The following BMPR1B variants were observed in gnomAD, a reference collection of about 807,000 sequenced individuals.
The protein encoded by BMPR1B is bone morphogenetic protein receptor type 1B, also known as bone morphogenetic protein receptor type-1B.
BMPR1B carries 12 observed loss-of-function variants against 59.1 expected under a neutral mutation model. That is an observed-to-expected ratio of 0.20 (90% confidence interval 0.13 to 0.33). The LOEUF is 0.33. Ranked by LOEUF, BMPR1B falls within the 10% of genes least tolerant of loss-of-function variation. BMPR1B has a pLI of 1.00. For synonymous variants in BMPR1B, 237 were observed against 207.3 expected (o/e 1.14, Z -1.23); for missense variants, 550 against 610.9 (o/e 0.90, Z 1.05).
intron 2 of BMPR1B, among the ~76,000 whole-genome samples, chr4:94,917,251 C>T (rs1365996795): frequency 1.3e-5 from 2 of 152,228 alleles, no homozygotes; most frequent in Non-Finnish European, 2.9e-5. Context: ...CAGTGGGGCA[C>T]TGTCTAGTGA....
Position 95,126,548 on chromosome 4 carries a change from A to C in BMPR1B, c.585+1427A>C, listed in dbSNP as rs75356717. Reference sequence around the variant, plus strand: ...TCAGTATAACCCTGTATTACACATCAGGGGATACAGGCCCAGATAGGTCAG... The same window carrying C: ...TCAGTATAACCCTGTATTACACATCCGGGGATACAGGCCCAGATAGGTCAG... On this transcript the variant is annotated intron_variant, in intron 8 of 12. Transcript: ENST00000515059. Among the ~76,000 whole-genome samples the C allele has an allele frequency of 6.1e-3, 924 of 152,282 alleles. 28 individuals are homozygous for C. In the East Asian group the frequency reaches 0.067, roughly 11 times the overall value.
At chr4:94,821,264 T>TGAAAACATGTATTTGG (rs1239708272) in intron 1 of BMPR1B, among the ~76,000 whole-genome samples, 3 of 152,196 alleles carry the variant, frequency 2.0e-5, no homozygotes, top group Non-Finnish European at 4.4e-5. Flanking sequence ...GCCTACTAAT[T>TGAAAACATGTATTTGG]GAAAACATGT....
intron 3 of BMPR1B, among the ~76,000 whole-genome samples, chr4:95,085,315 A>T (rs1302578289): frequency 1.3e-5 from 2 of 152,124 alleles, no homozygotes; most frequent in Non-Finnish European, 2.9e-5. Context: ...GCAAGCAAGG[A>T]TGAAAGACAG....
chr4:95,142,954 C>T (rs1275610508), intron 10 of BMPR1B, among the ~76,000 whole-genome samples: 1 of 152,088 alleles, frequency 6.6e-6, no homozygotes, highest in Non-Finnish European at 1.5e-5. Context: ...CTCCCCCTTA[C>T]TCCTTGCCAC....
At chr4:94,922,813 A>G (rs1014836564) in intron 2 of BMPR1B, among the ~76,000 whole-genome samples, 4 of 152,138 alleles carry the variant, frequency 2.6e-5, no homozygotes, top group Non-Finnish European at 4.4e-5. Context: ...TATTTAGATA[A>G]ATGTTAAAAT....
chr4:95,048,827 A>C (rs778560124), intron 3 of BMPR1B, among the ~76,000 whole-genome samples: 1 of 152,202 alleles, frequency 6.6e-6, no homozygotes, highest in Non-Finnish European at 1.5e-5. Flanking sequence ...TTTGATCTAC[A>C]TAGTAAGTTT....
At chr4:95,118,099 G>A (rs1732203768) in intron 6 of BMPR1B, among the ~76,000 whole-genome samples, 1 of 152,154 alleles carries the variant, frequency 6.6e-6, no homozygotes, top group African/African-American at 2.4e-5. Flanking sequence ...GAGCTCTGAG[G>A]ATCTCAGGTG....
At chr4:94,886,673 CA>C (rs2148985300) in intron 2 of BMPR1B, among the ~76,000 whole-genome samples, 1 of 152,246 alleles carries the variant, frequency 6.6e-6, no homozygotes, top group South Asian at 2.1e-4. Flanking sequence ...AATTTCTATT[CA>C]AAAATATACA....
chr4:94,915,846 A>T (rs1728463228), intron 2 of BMPR1B, among the ~76,000 whole-genome samples: 1 of 152,176 alleles, frequency 6.6e-6, no homozygotes, highest in African/African-American at 2.4e-5. Context: ...GGCTGGGCCT[A>T]GTGGGAGGTG....
At chr4:95,081,340 A>G (rs1729124473) in intron 3 of BMPR1B, among the ~76,000 whole-genome samples, 1 of 152,140 alleles carries the variant, frequency 6.6e-6, no homozygotes, top group African/African-American at 2.4e-5. Context: ...CAAAATTTTT[A>G]CTAGAAAGAA....
At chr4:94,902,273 G>C (rs1191466801) in intron 2 of BMPR1B, among the ~76,000 whole-genome samples, 46 of 143,800 alleles carry the variant, frequency 3.2e-4, no homozygotes, top group African/African-American at 5.9e-4. Flanking sequence ...GAGAGAGAGA[G>C]AGAGAGAGAG....
intron 2 of BMPR1B, among the ~76,000 whole-genome samples, chr4:94,971,762 C>T (rs1730801045): frequency 6.6e-6 from 1 of 151,682 alleles, no homozygotes; most frequent in South Asian, 2.1e-4. Flanking sequence ...TCATTAAATA[C>T]GTTTATGACC....
chr4:94,954,614 G>T (rs966603386), intron 2 of BMPR1B, among the ~76,000 whole-genome samples: 1 of 152,140 alleles, frequency 6.6e-6, no homozygotes, highest in Admixed American at 6.5e-5. Flanking sequence ...AGAGCCTGCG[G>T]TCCTGGTTTT....
At chr4:95,071,648 G>GTATATATATATATATATATATA (rs1553933769) in intron 3 of BMPR1B, among the ~76,000 whole-genome samples, 3 of 104,776 alleles carry the variant, frequency 2.9e-5, no homozygotes, top group African/African-American at 1.2e-4. Flanking sequence ...GTGTGTGTGT[G>GTATATATATATATATATATATA]TGTGTATATA....
chr4:94,869,189 C>G (rs1726382571), intron 1 of BMPR1B, among the ~76,000 whole-genome samples: 1 of 151,300 alleles, frequency 6.6e-6, no homozygotes, highest in Non-Finnish European at 1.5e-5. Flanking sequence ...CAGATAATTT[C>G]TGATTTTTGT....
chr4:94,956,054 T>G (rs1270058401), intron 2 of BMPR1B, among the ~76,000 whole-genome samples: 1 of 152,244 alleles, frequency 6.6e-6, no homozygotes, highest in East Asian at 1.9e-4. Context: ...CAAGTTATAC[T>G]TTATTTTTTA....
intron 2 of BMPR1B, among the ~76,000 whole-genome samples, chr4:94,924,550 C>G (rs1728814447): frequency 1.3e-5 from 2 of 152,008 alleles, no homozygotes; most frequent in Admixed American, 6.6e-5. Context: ...AGAATGTGTC[C>G]CAGACATGCA....
chr4:94,824,189 G>A (rs1304227601), intron 1 of BMPR1B, among the ~76,000 whole-genome samples: 5 of 152,166 alleles, frequency 3.3e-5, no homozygotes, highest in Admixed American at 6.5e-5. Context: ...TTTGATGCAC[G>A]AATTTACCAC....
intron 3 of BMPR1B, among the ~76,000 whole-genome samples, chr4:95,026,339 C>CT (rs1413412538): frequency 1.8e-4 from 27 of 151,798 alleles, no homozygotes; most frequent in African/African-American, 6.3e-4. Context: ...AAGGTATAGC[C>CT]TTTATAGCAC....
Sources: allele counts gnomAD v4.1 joint callset (sites outside exome capture counted in the v4.1 genomes callset), GRCh38; gene constraint gnomAD v4.1.1; transcripts MANE v1.5; gene names NCBI Gene and HGNC (gene_info 2026-07-23, HGNC 2026-07-21).